The following PDE4D variants were observed in gnomAD, a reference collection of about 807,000 sequenced individuals.
PDE4D encodes the protein 3',5'-cyclic-AMP phosphodiesterase 4D.
PDE4D carries 24 observed loss-of-function variants against 87.4 expected under a neutral mutation model. The observed-to-expected ratio is 0.27, with a 90% CI of 0.20 to 0.39. The LOEUF is 0.39. PDE4D is among the 10% of genes least tolerant of loss of function. The pLI, the probability that PDE4D is intolerant of heterozygous loss-of-function variation, is 1.00. For missense variants in PDE4D, 714 were observed against 1,041.0 expected (o/e 0.69, Z 4.32); for synonymous variants, 384 against 383.2 (o/e 1.00, Z -0.02).
rs1752222908 is a variant in PDE4D, at chr5:59,901,204, G to A, written c.272+87284C>T. On this transcript the variant is annotated intron_variant, in intron 3 of 16. Coordinates refer to the PDE4D transcript ENST00000502484. ...TCGTCAAGCTAAGTCCAAAACTTGTGATCTTGCCTGGATGACAAATGGGAG... is the reference window on the plus strand; with the variant it reads ...TCGTCAAGCTAAGTCCAAAACTTGTAATCTTGCCTGGATGACAAATGGGAG... 2.0e-5 allele frequency among the ~76,000 whole-genome samples: 3 copies of A among 152,236 alleles called. No individual in the cohort carries two copies. In the South Asian group the frequency reaches 6.2e-4, roughly 32 times the overall value.
chr5:60,517,876 C>G (rs1750870583), intron 1 of PDE4D, among the ~76,000 whole-genome samples: 1 of 152,234 alleles, frequency 6.6e-6, no homozygotes, highest in African/African-American at 2.4e-5. Context: ...GGCTGAAACA[C>G]ACCCCTTGCT....
At chr5:60,431,218 C>T (rs530010958) in intron 1 of PDE4D, 60 of 188,714 alleles carry the variant, frequency 3.2e-4, no homozygotes, top group African/African-American at 1.2e-3. Context: ...TGGGCGGAGA[C>T]GCTCCTCACT....
chr5:60,383,672 T>C (rs1762015028), intron 1 of PDE4D, among the ~76,000 whole-genome samples: 2 of 152,364 alleles, frequency 1.3e-5, no homozygotes, highest in South Asian at 4.1e-4. Flanking sequence ...ATCTGTTTTA[T>C]AGTTCAATCA....
intron 1 of PDE4D, among the ~76,000 whole-genome samples, chr5:59,762,921 G>A (rs1472850376): frequency 3.7e-5 from 4 of 107,660 alleles, no homozygotes; most frequent in African/African-American, 1.1e-4. Flanking sequence ...TTATAGTATG[G>A]CATATTATGG....
chr5:60,149,579 C>A (rs1235630463), intron 2 of PDE4D, among the ~76,000 whole-genome samples: 2 of 152,086 alleles, frequency 1.3e-5, no homozygotes, highest in Admixed American at 6.6e-5. Flanking sequence ...TATTATCTTT[C>A]TTTTCCACTA....
At chr5:59,324,623 T>C (rs764621161) in intron 1 of PDE4D, among the ~76,000 whole-genome samples, 2 of 152,132 alleles carry the variant, frequency 1.3e-5, no homozygotes, top group Non-Finnish European at 2.9e-5. Flanking sequence ...GGTGGACCTG[T>C]GACAGACATC....
intron 1 of PDE4D, among the ~76,000 whole-genome samples, chr5:59,642,609 T>A (rs1741785418): frequency 6.6e-6 from 1 of 152,190 alleles, no homozygotes; most frequent in Non-Finnish European, 1.5e-5. Flanking sequence ...ATGTAAGAAG[T>A]GTCTTTCACC....
intron 1 of PDE4D, among the ~76,000 whole-genome samples, chr5:59,360,901 CACAA>C (rs1782105451): frequency 6.6e-6 from 1 of 152,054 alleles, no homozygotes; most frequent in Non-Finnish European, 1.5e-5. Context: ...TGACCCAGGA[CACAA>C]ACAGACACAA....
intron 1 of PDE4D, among the ~76,000 whole-genome samples, chr5:59,673,462 TC>T (rs1362199609): frequency 6.6e-6 from 1 of 152,224 alleles, no homozygotes; most frequent in Non-Finnish European, 1.5e-5. Flanking sequence ...ACAAACCCAA[TC>T]GTTACTCCCT....
Position 58,974,597 on chromosome 5 carries a change from T to C in PDE4D, c.*67A>G, listed in dbSNP as rs1189628499. 7.0e-7 allele frequency: 1 copy of C among 1,422,078 alleles called. No individual in the cohort carries two copies. The highest frequency in any genetic ancestry group is 9.5e-7 in the Non-Finnish European group (1 of 1,053,546). The allele number at this position is 1,422,078 out of a possible 1,614,324, so 88.1% of individuals were successfully genotyped here. ...GTGAGGTGTGACCGTGGTTGTGGCA[T>C]GTGACATGCACTTTGGAAACAATTT... On this transcript the variant is annotated 3_prime_UTR_variant, in exon 15 of 15. Transcript: ENST00000340635.
intron 1 of PDE4D, among the ~76,000 whole-genome samples, chr5:59,811,543 T>C (rs1768346450): frequency 6.6e-6 from 1 of 152,240 alleles, no homozygotes. Flanking sequence ...AATGATTTCA[T>C]GTCCTACTTT....
rs373614882 is a variant in PDE4D, at chr5:59,006,395, G to A, written c.922-12930C>T. Among the ~76,000 whole-genome samples, 41 of 151,946 alleles carry A rather than the reference G, an allele frequency of 2.7e-4. 1 individual carries two copies. Among genetic ancestry groups the A allele is most frequent in the African/African-American group, 9.4e-4 (39 of 41,404 alleles). On this transcript the variant is annotated intron_variant, in intron 6 of 14. Coordinates refer to ENST00000340635, the MANE Select transcript of PDE4D (RefSeq NM_001104631.2). ...GCCTGGGCAACATAGAGAAACCACC[G>A]TCTCTACAAAAAATTTAAAAATTAG...
intron 6 of PDE4D, among the ~76,000 whole-genome samples, 165 bp downstream of exon 6, chr5:59,038,694 G>A (rs1437919130): frequency 6.6e-6 from 1 of 152,166 alleles, no homozygotes; most frequent in Non-Finnish European, 1.5e-5. Flanking sequence ...GACTAGGGGA[G>A]GCAAAGCAAG....
intron 1 of PDE4D, among the ~76,000 whole-genome samples, chr5:59,676,938 G>C (rs2150350073): frequency 6.6e-6 from 1 of 151,942 alleles, no homozygotes; most frequent in Admixed American, 6.6e-5. Context: ...TCTCCCTACT[G>C]TTTCCAGCCT....
chr5:59,429,585 A>C (rs927021078), intron 1 of PDE4D, among the ~76,000 whole-genome samples: 1 of 152,124 alleles, frequency 6.6e-6, no homozygotes, highest in Admixed American at 6.6e-5. Flanking sequence ...CATTATGTGG[A>C]TTCATAAAAT....
At chr5:59,353,776 T>C (rs978092917) in intron 1 of PDE4D, among the ~76,000 whole-genome samples, 1 of 152,090 alleles carries the variant, frequency 6.6e-6, no homozygotes, top group African/African-American at 2.4e-5. Flanking sequence ...TCAATCCTTC[T>C]TTCTGCCTCA....
intron 2 of PDE4D, among the ~76,000 whole-genome samples, chr5:60,164,014 T>G (rs780193507): frequency 6.6e-6 from 1 of 152,222 alleles, no homozygotes; most frequent in Non-Finnish European, 1.5e-5. Context: ...CATTTAAATA[T>G]GTTAACCTCA....
chr5:60,267,667 T>C (rs1227034599), intron 1 of PDE4D, among the ~76,000 whole-genome samples: 3 of 152,176 alleles, frequency 2.0e-5, no homozygotes, highest in East Asian at 1.9e-4. Context: ...TTCCTTACCT[T>C]TTCCACAATT....
chr5:60,091,642 T>A (rs1348147418), intron 2 of PDE4D, among the ~76,000 whole-genome samples: 1 of 152,120 alleles, frequency 6.6e-6, no homozygotes, highest in African/African-American at 2.4e-5. Flanking sequence ...GGAATACATT[T>A]TAAAAAATTA....
Sources: allele counts gnomAD v4.1 joint callset (sites outside exome capture counted in the v4.1 genomes callset), GRCh38; gene constraint gnomAD v4.1.1; transcripts MANE v1.5; gene names NCBI Gene and HGNC (gene_info 2026-07-23, HGNC 2026-07-21).